The following PSCA variants were observed in gnomAD, a reference collection of about 807,000 sequenced individuals.
PSCA encodes the protein prostate stem cell antigen.
In PSCA, 7 loss-of-function variants were observed where a neutral mutation model predicts 7.9. That is an observed-to-expected ratio of 0.89 (90% CI 0.51 to 1.67). The LOEUF is 1.67. Ranked by LOEUF, PSCA falls within the 40% of genes most tolerant of loss-of-function variation. The pLI is 0.00. For synonymous variants in PSCA, 61 were observed against 68.3 expected (o/e 0.89, Z 0.53); for missense variants, 151 against 147.9 (o/e 1.02, Z -0.11).
At position 142,682,123 on chromosome 8, in the gene PSCA, C is replaced by T. The variant is rs1554638456; in HGVS notation, c.336C>T (p.Gly112=). 2 of 1,600,076 alleles carry T rather than the reference C, an allele frequency of 1.2e-6. No homozygotes were observed. Among genetic ancestry groups the T allele is most frequent in the Non-Finnish European group, 8.5e-7 (1 of 1,178,570 alleles). ...TCGGCCTGCTGCTCTGGGGACCCGG[C>T]CAGCTCTAGGCTCTGGGGGGCCCCG... ...PALGLLLWGP[G]QL The change falls in exon 3 of 3, where the codon GGC becomes GGT. Residue 112 remains glycine, a synonymous_variant. Transcript: ENST00000301258.
intron 1 of PSCA, among the ~76,000 whole-genome samples, chr8:142,670,973 G>T (rs78181365): frequency 0.023 from 3,505 of 152,246 alleles, 135 homozygotes; most frequent in African/African-American, 0.08. Flanking sequence ...TCCCGTATAC[G>T]TTAAGTCACT....
chr8:142,680,777 C>T, intron 1 of PSCA: 3 of 644,814 alleles, frequency 4.7e-6, no homozygotes, highest in Non-Finnish European at 5.4e-6. Context: ...CCGGGGCTTG[C>T]AGGGGCAGCA....
At position 142,673,265 on chromosome 8, in the gene PSCA, GATC is replaced by G. The variant is rs1360708695; in HGVS notation, n.261+2699_261+2701del. On this transcript the variant is annotated intron_variant and non_coding_transcript_variant, in intron 1 of 1. Coordinates refer to the PSCA transcript ENST00000505305. This position sits in a 1 kb window ranked among gnomAD's most constrained non-coding sequence, Gnocchi z 4.6. ...TTTAACTGCCACCTCAGGGACATGG[GATC>G]ACGTGGTCTCCCAGGACTTGGACAG... 6.6e-6 allele frequency among the ~76,000 whole-genome samples: 1 copy of G among 152,162 alleles called. No homozygotes were observed. The highest frequency in any genetic ancestry group is 1.5e-5 in the Non-Finnish European group (1 of 68,026).
At chr8:142,671,346 G>C (rs1045480131) in intron 1 of PSCA, among the ~76,000 whole-genome samples, 1 of 152,208 alleles carries the variant, frequency 6.6e-6, no homozygotes, top group East Asian at 1.9e-4. Flanking sequence ...TAGTGGCTGG[G>C]AGAGACAAGG....
intron 1 of PSCA, chr8:142,680,909 T>G (rs1847455122): frequency 2.0e-6 from 1 of 504,304 alleles, no homozygotes; most frequent in Non-Finnish European, 3.6e-6. Context: ...ACAGGAAGCC[T>G]CAGGCTAAGA....
At chr8:142,671,671 C>T (rs2129849551) in intron 1 of PSCA, among the ~76,000 whole-genome samples, 1 of 152,304 alleles carries the variant, frequency 6.6e-6, no homozygotes, top group Non-Finnish European at 1.5e-5. Flanking sequence ...CCTGCCTCAA[C>T]CCCCAGAGTA....
At chr8:142,681,019 C>A in intron 1 of PSCA, 1 of 463,666 alleles carries the variant, frequency 2.2e-6, no homozygotes, top group Non-Finnish European at 3.9e-6. Context: ...TCCAAGGGTC[C>A]CAGGGAGCTG....
In PSCA at chr8:142,673,620, G is replaced by T. The variant is rs1004794190; in HGVS notation, n.261+3052G>T. Among the ~76,000 whole-genome samples, 1 of 152,136 alleles carries T rather than the reference G, an allele frequency of 6.6e-6. No homozygotes were observed. The highest frequency in any genetic ancestry group is 1.5e-5 in the Non-Finnish European group (1 of 68,022). On this transcript the variant is annotated intron_variant and non_coding_transcript_variant, in intron 1 of 1. Coordinates refer to the PSCA transcript ENST00000505305. The surrounding 1 kb of genome is among the most constrained non-coding windows in gnomAD (Gnocchi z 4.6). ...CTCAAATCAGCCTCTCAGAAAATTC[G>T]GACGCTAGGGTTTTTCAAGGAGAGT...
rs746595298 is a variant in PSCA at position 142,682,284 on chromosome 8, C to G, written c.*152C>G. On this transcript the variant is annotated 3_prime_UTR_variant, in exon 3 of 3. Transcript: ENST00000301258. Reference sequence around the variant, plus strand: ...CATGTATGTCTGCGCCCCTGTCCCCCACCCTGACCCTCCCATGGCCCTCTC... The same window carrying G: ...CATGTATGTCTGCGCCCCTGTCCCCGACCCTGACCCTCCCATGGCCCTCTC... The G allele has an allele frequency of 1.8e-4, 167 of 946,754 alleles. No homozygotes were observed. The highest frequency in any genetic ancestry group is 2.2e-4 in the Non-Finnish European group (135 of 608,868). The allele number at this position is 946,754 out of a possible 1,614,324, so 58.6% of individuals were successfully genotyped here.
chr8:142,682,119 C>G lies in PSCA; in HGVS notation c.332C>G (p.Pro111Arg). ...GCACTCGGCCTGCTGCTCTGGGGAC[C>G]CGGCCAGCTCTAGGCTCTGGGGGGC... is the stretch of plus-strand genomic sequence containing the variant. Reference protein sequence around the residue: ...LPALGLLLWGPGQL With the variant: ...LPALGLLLWGRGQL The change falls in exon 3 of 3, where the codon CCC becomes CGC. Residue 111 changes from proline (P) to arginine (R), a missense_variant. Transcript: ENST00000301258. 3.7e-6 allele frequency: 6 copies of G among 1,600,966 alleles called. No homozygotes were observed. Among genetic ancestry groups the G allele is most frequent in the Non-Finnish European group, 4.2e-6 (5 of 1,178,840 alleles).
chr8:142,682,085 C>T lies in PSCA; in HGVS notation c.298C>T (p.Leu100=). The change falls in exon 3 of 3, where the codon CTG becomes TTG. Residue 100 remains leucine (L), a synonymous_variant. Coordinates refer to ENST00000301258, the MANE Select transcript of PSCA (RefSeq NM_005672.5). The part of the protein sequence containing the change: ...ALQPAAAILA[L]LPALGLLLWG... The stretch of plus-strand genomic sequence containing the variant: ...GCAGCCGGCTGCTGCCATCCTTGCG[C>T]TGCTCCCTGCACTCGGCCTGCTGCT... 1 of 1,606,726 alleles carries T rather than the reference C, an allele frequency of 6.2e-7. No homozygotes were observed. Among genetic ancestry groups the T allele is most frequent in the Non-Finnish European group, 8.5e-7 (1 of 1,179,574 alleles).
chr8:142,675,772 C>G (rs1847393909), upstream of PSCA: 1 of 152,218 alleles, frequency 6.6e-6, no homozygotes, highest in South Asian at 2.1e-4. Context: ...GCCTTAATTT[C>G]CAGAACCCAA....
chr8:142,677,194 G>A (rs147683559), upstream of PSCA, among the ~76,000 whole-genome samples: 321 of 152,334 alleles, frequency 2.1e-3, 2 homozygotes, highest in Middle Eastern at 6.8e-3. Flanking sequence ...CCAACCTGTG[G>A]TCAGGGGTGG....
chr8:142,680,429 T>C, upstream of PSCA: 1 of 1,358,346 alleles, frequency 7.4e-7, no homozygotes, highest in Non-Finnish European at 1.0e-6. Context: ...CCGCTGGTGT[T>C]GACTGTGGGC....
chr8:142,677,116 G>A (rs587707431), upstream of PSCA, among the ~76,000 whole-genome samples: 8 of 152,302 alleles, frequency 5.3e-5, no homozygotes, highest in East Asian at 1.9e-4. Context: ...ACCAGGGCTC[G>A]TTAGGTAACC....
upstream of PSCA, among the ~76,000 whole-genome samples, chr8:142,675,637 A>G (rs1554637762): frequency 6.6e-6 from 1 of 152,182 alleles, no homozygotes; most frequent in African/African-American, 2.4e-5. Flanking sequence ...TTTGATCCAC[A>G]TGCACAGACA....
In PSCA at chr8:142,682,637, G is replaced by A; in HGVS notation, c.*505G>A. The stretch of plus-strand genomic sequence containing the variant: ...AGAGATGGGGCCTGGAGGCCTGGAG[G>A]AAGGGGCCAGGCCTCACATTCGTGG... On this transcript the variant is annotated 3_prime_UTR_variant, in exon 3 of 3. Coordinates refer to ENST00000301258, the MANE Select transcript of PSCA (RefSeq NM_005672.5). The A allele has an allele frequency of 2.8e-6, 1 of 353,488 alleles. No homozygotes were observed. Among genetic ancestry groups the A allele is most frequent in the Admixed American group, 3.7e-5 (1 of 26,680 alleles). The allele number at this position is 353,488 out of a possible 1,614,324, so 21.9% of individuals were successfully genotyped here.
intron 2 of PSCA, 136 bp downstream of exon 2, chr8:142,681,570 A>G (rs1378028158): frequency 1.4e-6 from 1 of 717,956 alleles, no homozygotes; most frequent in African/African-American, 1.7e-5. Context: ...ACCCCCAACA[A>G]TCACCCAGCA....
chr8:142,672,730 GAA>G (rs1847348840), intron 1 of PSCA, among the ~76,000 whole-genome samples: 1 of 152,188 alleles, frequency 6.6e-6, no homozygotes. Context: ...AGAAAGGAGA[GAA>G]GAGAGCAGCC....
Sources: allele counts gnomAD v4.1 joint callset (sites outside exome capture counted in the v4.1 genomes callset), GRCh38; gene constraint gnomAD v4.1.1; non-coding constraint Gnocchi (gnomAD v3.1); transcripts MANE v1.5; gene names NCBI Gene and HGNC (gene_info 2026-07-23, HGNC 2026-07-21).